Variants in KXD1 observed in about 807,000 individuals in gnomAD.
KXD1 encodes the protein kxDL motif-containing protein 1.
A neutral mutation model predicts 12.1 loss-of-function variants in KXD1; 5 were observed. The ratio of observed to expected loss-of-function variants is 0.41; its 90% CI spans 0.22 to 0.87. The LOEUF is 0.87. Among genes scored for constraint, KXD1 ranks in the 40% least tolerant of loss-of-function variants. The pLI, the probability that KXD1 is intolerant of heterozygous loss-of-function variation, is 0.31. For synonymous variants in KXD1, 98 were observed against 100.5 expected (o/e 0.98, Z 0.15); for missense variants, 193 against 244.9 (o/e 0.79, Z 1.41).
rs1467081668 is a variant in KXD1, at chr19:18,564,857, C to T, written c.102-12C>T. 4 of 1,613,140 alleles carry T rather than the reference C, an allele frequency of 2.5e-6. No individual in the cohort carries two copies. The highest frequency in any genetic ancestry group is 4.5e-5 in the East Asian group (2 of 44,900). Reference sequence around the variant, plus strand: ...CTGGGCAGTGAAGCTCATGCCCTCTCTCCACCATCAGGCTGGACCGCTTTG... The same window carrying T: ...CTGGGCAGTGAAGCTCATGCCCTCTTTCCACCATCAGGCTGGACCGCTTTG... On this transcript the variant is annotated splice_polypyrimidine_tract_variant and intron_variant, in intron 2 of 4. Transcript: ENST00000222307.
chr19:18,565,014 C>G lies in KXD1; in HGVS notation c.247C>G (p.Arg83Gly). ...MKRDLDSIFRRIRTLKGKLAR... is the reference protein window; with the variant it reads ...MKRDLDSIFRGIRTLKGKLAR... Reference sequence around the variant, plus strand: ...ACGGGACCTGGACAGCATCTTCCGCCGTATCAGGTGGGTGCTCAGTGCCAC... The same window carrying G: ...ACGGGACCTGGACAGCATCTTCCGCGGTATCAGGTGGGTGCTCAGTGCCAC... The change falls in exon 3 of 5, where the codon CGT (arginine) becomes GGT (glycine). Residue 83 changes from arginine (R) to glycine (G), a missense_variant. Arg to Gly is a moderately radical substitution (Grantham distance 125). Coordinates refer to ENST00000222307, the MANE Select transcript of KXD1 (RefSeq NM_024069.4). The G allele has an allele frequency of 6.3e-7, 1 of 1,598,730 alleles. No homozygotes were observed. The highest frequency in any genetic ancestry group is 8.5e-7 in the Non-Finnish European group (1 of 1,178,902).
At position 18,564,730 on chromosome 19, in the gene KXD1, T is replaced by C. The variant is rs111976641; in HGVS notation, c.102-139T>C. 4.2e-4 allele frequency: 393 copies of C among 928,752 alleles called. 1 individual carries two copies. The African/African-American group carries it at 5.3e-3, about 13-fold the overall frequency. 57.5% of individuals were successfully genotyped at this position (928,752 alleles called of 1,614,324 possible). A position where few individuals can be genotyped will look rare whatever the true frequency, so the allele number is the denominator to read the frequency against. The stretch of plus-strand genomic sequence containing the variant: ...TTTGCTAGGTGGCTCAAAGAGTAGG[T>C]AGAACTCTGCAGGACAAGGGAACAG... On this transcript the variant is annotated intron_variant, in intron 2 of 4. Coordinates refer to ENST00000222307, the MANE Select transcript of KXD1 (RefSeq NM_024069.4).
intron 3 of KXD1, 27 bp from the exon 4 acceptor site, chr19:18,567,105 G>A: frequency 6.2e-7 from 1 of 1,613,048 alleles, no homozygotes; most frequent in South Asian, 1.1e-5. Context: ...AGCAGGTTAA[G>A]CCCTGTGTGC....
Position 18,564,893 on chromosome 19 carries a change from T to C in KXD1, c.126T>C (p.Asn42=). ...KNMLDRFEKT[N]EMLLNFNNLS... ...GGCTGGACCGCTTTGAGAAGACCAA[T>C]GAGATGCTGCTCAACTTCAACAACC... Residue 42 remains asparagine (N), a synonymous_variant, in exon 3 of 5, where the codon AAT becomes AAC. Transcript: ENST00000222307. 1.9e-6 allele frequency: 3 copies of C among 1,611,548 alleles called. No individual in the cohort carries two copies. The highest frequency in any genetic ancestry group is 1.7e-5 in the Admixed American group (1 of 60,006).
intron 2 of KXD1, among the ~76,000 whole-genome samples, chr19:18,563,087 C>CGTTAGT (rs1235242797): frequency 2.0e-5 from 3 of 151,852 alleles, no homozygotes; most frequent in Non-Finnish European, 4.4e-5. Context: ...CATCAGCTGT[C>CGTTAGT]GTTAGTGTTA....
At position 18,569,002 on chromosome 19, in the gene KXD1, A is replaced by T; in HGVS notation, c.*371A>T. 3.7e-6 allele frequency: 1 copy of T among 273,906 alleles called. No individual in the cohort carries two copies. The allele number at this position is 273,906 out of a possible 1,614,324, so 17.0% of individuals were successfully genotyped here. A position where few individuals can be genotyped will look rare whatever the true frequency, so the allele number is the denominator to read the frequency against. On this transcript the variant is annotated 3_prime_UTR_variant, in exon 5 of 5. Coordinates refer to ENST00000222307, the MANE Select transcript of KXD1 (RefSeq NM_024069.4). ...CAGATGTCCCCCACCACCGGTCAGGACCTCCTTGAGGTGCACAAGCACGGT... is the reference window on the plus strand; with the variant it reads ...CAGATGTCCCCCACCACCGGTCAGGTCCTCCTTGAGGTGCACAAGCACGGT...
intron 1 of KXD1, among the ~76,000 whole-genome samples, chr19:18,561,278 C>G (rs1430502139): frequency 6.6e-6 from 1 of 152,020 alleles, no homozygotes; most frequent in African/African-American, 2.4e-5. Context: ...GTAGCCTGGG[C>G]GCGGTGGCTC....
At chr19:18,559,951 CTCTCCT>C in intron 1 of KXD1, 2 of 150,968 alleles carry the variant, frequency 1.3e-5, no homozygotes, top group Non-Finnish European at 3.0e-5. Context: ...CTCTCTCTTT[CTCTCCT>C]TCTCTCTCTC....
In KXD1 at chr19:18,568,564, T is replaced by A. The variant is rs775669060; in HGVS notation, c.464T>A (p.Val155Asp). Residue 155 changes from valine (V) to aspartate (D), a missense_variant, in exon 5 of 5, where the codon GTC becomes GAC. Val to Asp is a radical substitution (Grantham distance 152). Transcript: ENST00000222307. ...LSPGFEDLSH[V>D]QPGSPAINGR... Reference sequence around the variant, plus strand: ...CCCGGCTTCGAGGACCTGTCCCATGTCCAGCCTGGCTCCCCAGCCATCAAC... The same window carrying A: ...CCCGGCTTCGAGGACCTGTCCCATGACCAGCCTGGCTCCCCAGCCATCAAC... The A allele has an allele frequency of 6.2e-7, 1 of 1,613,800 alleles. No homozygotes were observed. The highest frequency in any genetic ancestry group is 1.1e-5 in the South Asian group (1 of 91,080).
chr19:18,561,116 A>G (rs756104732), intron 1 of KXD1, among the ~76,000 whole-genome samples: 5 of 152,054 alleles, frequency 3.3e-5, no homozygotes, highest in Non-Finnish European at 5.9e-5. Context: ...ATCAAGGTAA[A>G]GGGTGGCTGG....
intron 2 of KXD1, among the ~76,000 whole-genome samples, chr19:18,563,202 G>T (rs1329208622): frequency 6.6e-6 from 1 of 152,166 alleles, no homozygotes; most frequent in Non-Finnish European, 1.5e-5. Flanking sequence ...TGGAAGCACA[G>T]CCTCCCGCAG....
intron 2 of KXD1, among the ~76,000 whole-genome samples, chr19:18,564,510 A>G (rs1048142106): frequency 9.2e-5 from 14 of 151,986 alleles, no homozygotes; most frequent in African/African-American, 3.4e-4. Flanking sequence ...AGTCCCAGCT[A>G]TACTCGGGAG....
chr19:18,568,648 C>T lies in KXD1; in HGVS notation c.*17C>T, dbSNP rs1317784019. ...GGCGAATAGCCCTGCTGCCCGGTGC[C>T]TTGAGGGGGTCTCAGGGCAGCAGCA... On this transcript the variant is annotated 3_prime_UTR_variant, in exon 5 of 5. Transcript: ENST00000222307. 3.8e-6 allele frequency: 6 copies of T among 1,586,632 alleles called. No individual in the cohort carries two copies. The highest frequency in any genetic ancestry group is 5.2e-6 in the Non-Finnish European group (6 of 1,164,018).
Position 18,568,460 on chromosome 19 carries a change from C to G in KXD1, c.360C>G (p.Thr120=), listed in dbSNP as rs375210760. ...EEDEDPIPPS[T]TTTIATSEQS... ...ATGAAGACCCCATCCCACCCAGCACCACGACCACCATTGCCACCTCAGAAC... is the reference window on the plus strand; with the variant it reads ...ATGAAGACCCCATCCCACCCAGCACGACGACCACCATTGCCACCTCAGAAC... The change falls in exon 5 of 5, where the codon ACC becomes ACG. Residue 120 remains threonine (T), a synonymous_variant. Coordinates refer to ENST00000222307, the MANE Select transcript of KXD1 (RefSeq NM_024069.4). 1 of 1,613,920 alleles carries G rather than the reference C, an allele frequency of 6.2e-7. No individual in the cohort carries two copies. The highest frequency in any genetic ancestry group is 1.3e-5 in the African/African-American group (1 of 74,858).
chr19:18,565,185 C>G, intron 3 of KXD1, 164 bp downstream of exon 3: 1 of 1,407,434 alleles, frequency 7.1e-7, no homozygotes, highest in Non-Finnish European at 9.2e-7. Context: ...GGGATAAAAT[C>G]TTGACGTAAG....
intron 3 of KXD1, chr19:18,565,231 T>C: frequency 2.7e-6 from 1 of 370,226 alleles, no homozygotes; most frequent in South Asian, 9.3e-5. Flanking sequence ...CGAGACAGAG[T>C]TTTTTTTTTT....
chr19:18,567,757 C>T (rs530816280), intron 4 of KXD1, among the ~76,000 whole-genome samples: 202 of 152,234 alleles, frequency 1.3e-3, no homozygotes, highest in Non-Finnish European at 5.7e-4. Flanking sequence ...TTGAAAAGGC[C>T]GACAGCTCTC....
intron 2 of KXD1, among the ~76,000 whole-genome samples, chr19:18,562,482 CAG>C (rs1974967037): frequency 2.0e-5 from 3 of 152,152 alleles, no homozygotes; most frequent in African/African-American, 7.2e-5. Flanking sequence ...GTTTTTGAGA[CAG>C]AGTTTTGCTC....
chr19:18,562,571 C>G (rs1368004802), intron 2 of KXD1, among the ~76,000 whole-genome samples: 2 of 152,260 alleles, frequency 1.3e-5, no homozygotes, highest in African/African-American at 4.8e-5. Flanking sequence ...AGCGATTTCT[C>G]CTGCCTCAGC....
Sources: gnomAD v4.1 joint callset for allele counts (sites outside exome capture counted in the v4.1 genomes callset) on GRCh38, gnomAD v4.1.1 for gene constraint, MANE v1.5 for transcripts, NCBI Gene and HGNC (gene_info 2026-07-23, HGNC 2026-07-21) for gene names.